Variants in FBXO7 observed in about 807,000 individuals in gnomAD.
FBXO7 encodes the protein F-box only protein 7.
A neutral mutation model predicts 50.2 loss-of-function variants in FBXO7; 31 were observed. That is an observed-to-expected ratio of 0.62 (90% confidence interval 0.46 to 0.83). The LOEUF (loss-of-function observed/expected upper bound fraction) is 0.83, where lower values mean the gene tolerates loss of function less well. Ranked by LOEUF, FBXO7 falls within the 40% of genes least tolerant of loss-of-function variation. The pLI, the probability that FBXO7 is intolerant of heterozygous loss-of-function variation, is 0.00. For synonymous variants in FBXO7, 256 were observed against 253.1 expected (o/e 1.01, Z -0.11); for missense variants, 667 against 646.6 (o/e 1.03, Z -0.34).
chr22:32,491,294 G>A (rs1031209675), intron 6 of FBXO7, 113 bp downstream of exon 6: 2 of 769,134 alleles, frequency 2.6e-6, no homozygotes, highest in African/African-American at 3.5e-5. Flanking sequence ...CTGGCGAAAT[G>A]TTCCTCTTCT....
chr22:32,494,011 T>C (rs1348515037), intron 7 of FBXO7, among the ~76,000 whole-genome samples: 2 of 151,710 alleles, frequency 1.3e-5, no homozygotes, highest in African/African-American at 4.8e-5. Flanking sequence ...AAAATTTTTA[T>C]GTGGTTCACA....
intron 6 of FBXO7, chr22:32,492,354 C>T (rs962878272): frequency 1.3e-5 from 2 of 152,172 alleles, no homozygotes; most frequent in Non-Finnish European, 2.9e-5. Context: ...GTAGATATGT[C>T]TGTTGGATTT....
intron 3 of FBXO7, among the ~76,000 whole-genome samples, chr22:32,484,752 G>A (rs1163848644): frequency 3.9e-5 from 6 of 152,152 alleles, no homozygotes; most frequent in Non-Finnish European, 8.8e-5. Flanking sequence ...TATTTGAGCC[G>A]GAGTTTTAAA....
rs373261881 is a variant in FBXO7, at chr22:32,483,963, G to A, written c.484G>A (p.Gly162Ser). 5 of 1,614,200 alleles carry A rather than the reference G, an allele frequency of 3.1e-6. No homozygotes were observed. The highest frequency in any genetic ancestry group is 4.2e-6 in the Non-Finnish European group (5 of 1,180,026). The stretch of plus-strand genomic sequence containing the variant: ...TAATGCGCATATGGCAGAGGGCACA[G>A]GTTTCTATCCCTCAGAACCCATGCT... ...QDNAHMAEGT[G>S]FYPSEPMLCS... is the part of the protein sequence containing the mutation. The change falls in exon 3 of 9, where the codon GGT becomes AGT. Residue 162 changes from glycine to serine, a missense_variant. By Grantham distance (56) the Gly-to-Ser change is moderately conservative. Coordinates refer to ENST00000266087, the MANE Select transcript of FBXO7 (RefSeq NM_012179.4).
At chr22:32,496,610 C>A (rs1263815942) in intron 8 of FBXO7, among the ~76,000 whole-genome samples, 3 of 152,060 alleles carry the variant, frequency 2.0e-5, no homozygotes, top group Non-Finnish European at 4.4e-5. Context: ...ATTTCAAGTC[C>A]ACTATTGAGG....
chr22:32,478,887 G>T, intron 1 of FBXO7, 94 bp from the exon 2 acceptor site: 1 of 1,190,982 alleles, frequency 8.4e-7, no homozygotes. Flanking sequence ...AGTTCTTCTA[G>T]GGTCATACTG....
intron 7 of FBXO7, among the ~76,000 whole-genome samples, chr22:32,494,429 C>G (rs1302433406): frequency 6.6e-6 from 1 of 152,122 alleles, no homozygotes; most frequent in Non-Finnish European, 1.5e-5. Context: ...CCACCCCCAA[C>G]TCCTGGGCTC....
chr22:32,491,182 G>GT lies in FBXO7; in HGVS notation c.967+2dup. ...CCTCTTCTGGCTTTTACCCGACAAGGTAAGAGATGAAATACTGTCACAATT... is the reference window on the plus strand; with the variant it reads ...CCTCTTCTGGCTTTTACCCGACAAGGTTAAGAGATGAAATACTGTCACAATT... On this transcript the variant is annotated splice_donor_variant, in intron 6 of 8. Transcript: ENST00000266087. LOFTEE classifies it high-confidence loss of function. The GT allele has an allele frequency of 6.3e-7, 1 of 1,579,464 alleles. No individual in the cohort carries two copies. Among genetic ancestry groups the GT allele is most frequent in the Non-Finnish European group, 8.7e-7 (1 of 1,148,820 alleles).
rs1346875384 is a variant in FBXO7 at position 32,479,189 on chromosome 22, A to T, written c.331A>T (p.Asn111Tyr). ...GCAACCCTCTTTGGCCACCAGCTCCAATCAGACTAGCATGCAGGATGAACA... is the reference window on the plus strand; with the variant it reads ...GCAACCCTCTTTGGCCACCAGCTCCTATCAGACTAGCATGCAGGATGAACA... ...NEQPSLATSS[N>Y]QTSMQDEQPS... Residue 111 changes from asparagine (N) to tyrosine (Y), a missense_variant, in exon 2 of 9, where the codon AAT becomes TAT. Asn to Tyr is a moderately radical substitution (Grantham distance 143). Transcript: ENST00000266087. 3 of 1,614,002 alleles carry T rather than the reference A, an allele frequency of 1.9e-6. No individual in the cohort carries two copies. In the African/African-American group the frequency reaches 4.0e-5, roughly 22 times the overall value.
intron 2 of FBXO7, among the ~76,000 whole-genome samples, chr22:32,483,173 A>G (rs1021116826): frequency 3.3e-5 from 5 of 152,170 alleles, no homozygotes; most frequent in Non-Finnish European, 7.3e-5. Context: ...GACGGAGGAT[A>G]GTGTTTTTTG....
chr22:32,492,650 C>A (rs922273741), intron 6 of FBXO7: 1 of 218,886 alleles, frequency 4.6e-6, no homozygotes, highest in Non-Finnish European at 9.2e-6. Context: ...AATATTAATC[C>A]ATTTTACAGA....
chr22:32,490,938 A>T, intron 5 of FBXO7, 148 bp from the exon 6 acceptor site: 1 of 638,072 alleles, frequency 1.6e-6, no homozygotes, highest in Non-Finnish European at 2.8e-6. Flanking sequence ...CTTGCACTGT[A>T]CTTCTTCCAT....
chr22:32,495,980 A>C (rs2057571876), intron 8 of FBXO7, among the ~76,000 whole-genome samples: 1 of 152,254 alleles, frequency 6.6e-6, no homozygotes, highest in Non-Finnish European at 1.5e-5. Flanking sequence ...TCACTGATGA[A>C]GGTGGCTGCA....
At chr22:32,487,508 A>G (rs1289739396) in intron 4 of FBXO7, 6 of 417,898 alleles carry the variant, frequency 1.4e-5, no homozygotes, top group Non-Finnish European at 2.2e-5. Flanking sequence ...TGGATTTTAT[A>G]TAAAGATGCT....
At chr22:32,475,212 C>T (rs2057418603) in intron 1 of FBXO7, 88 bp downstream of exon 1, 3 of 1,508,912 alleles carry the variant, frequency 2.0e-6, no homozygotes, top group Non-Finnish European at 2.6e-6. Context: ...CTGTGGGCTG[C>T]AGGCGCGGGC....
In FBXO7 at chr22:32,498,603, G is replaced by C; in HGVS notation, c.*73G>C. The C allele has an allele frequency of 6.6e-7, 1 of 1,508,642 alleles. No homozygotes were observed. Among genetic ancestry groups the C allele is most frequent in the Non-Finnish European group, 9.0e-7 (1 of 1,114,610 alleles). 93.5% of individuals were successfully genotyped at this position (1,508,642 alleles called of 1,614,324 possible). A position where few individuals can be genotyped will look rare whatever the true frequency, so the allele number is the denominator to read the frequency against. On this transcript the variant is annotated 3_prime_UTR_variant, in exon 9 of 9. Coordinates refer to ENST00000266087, the MANE Select transcript of FBXO7 (RefSeq NM_012179.4). ...ACTACAGATGTCAACTCCTTGGGGTGCTGATCTCGAGTGTTATTTTCTGAT... is the reference window on the plus strand; with the variant it reads ...ACTACAGATGTCAACTCCTTGGGGTCCTGATCTCGAGTGTTATTTTCTGAT...
At position 32,480,566 on chromosome 22, in the gene FBXO7, A is replaced by G. The variant is rs1353496004; in HGVS notation, c.417+1291A>G. Among the ~76,000 whole-genome samples, 4 of 151,718 alleles carry G rather than the reference A, an allele frequency of 2.6e-5. No individual in the cohort carries two copies. The East Asian group carries it at 7.7e-4, about 29-fold the overall frequency. ...CCCTCTCTAGTCTATATTTCTACCC[A>G]TCTTCCTAAGCCCTTGCCAACCATA... On this transcript the variant is annotated intron_variant, in intron 2 of 8. Transcript: ENST00000266087.
intron 6 of FBXO7, chr22:32,491,412 G>T: frequency 2.2e-6 from 1 of 460,118 alleles, no homozygotes; most frequent in South Asian, 2.4e-5. Context: ...TATAATTGTT[G>T]ATATGATTTC....
intron 4 of FBXO7, among the ~76,000 whole-genome samples, 199 bp downstream of exon 4, chr22:32,485,408 C>T (rs1365732918): frequency 6.6e-6 from 1 of 152,106 alleles, no homozygotes; most frequent in African/African-American, 2.4e-5. Context: ...TAGGCCAGCA[C>T]CCTTCATTCT....
Sources: gnomAD v4.1 joint callset for allele counts (sites outside exome capture counted in the v4.1 genomes callset) on GRCh38, gnomAD v4.1.1 for gene constraint, MANE v1.5 for transcripts, NCBI Gene and HGNC (gene_info 2026-07-23, HGNC 2026-07-21) for gene names.